Variants in ANKRD28 observed in about 807,000 individuals in gnomAD.
The protein encoded by ANKRD28 is serine/threonine-protein phosphatase 6 regulatory ankyrin repeat subunit A.
Under a neutral mutation model 126.5 loss-of-function variants are expected in ANKRD28, and 44 were observed. The ratio of observed to expected loss-of-function variants is 0.35; its 90% confidence interval spans 0.27 to 0.45. The LOEUF (loss-of-function observed/expected upper bound fraction) is 0.45. Ranked by LOEUF, ANKRD28 falls within the 20% of genes least tolerant of loss-of-function variation. The pLI, the probability that ANKRD28 is intolerant of heterozygous loss-of-function variation, is 1.00. For synonymous variants in ANKRD28, 442 were observed against 468.5 expected (o/e 0.94, Z 0.73); for missense variants, 1,110 against 1,316.6 (o/e 0.84, Z 2.43).
intron 2 of ANKRD28, among the ~76,000 whole-genome samples, chr3:15,770,413 CAT>C (rs56802776): frequency 0.078 from 11,524 of 146,932 alleles, 1,342 homozygotes; most frequent in African/African-American, 0.25. Context: ...CATATATATA[CAT>C]ATATATATAT....
chr3:15,774,979 C>T (rs771861449), intron 2 of ANKRD28, among the ~76,000 whole-genome samples: 20 of 116,212 alleles, frequency 1.7e-4, no homozygotes, highest in Admixed American at 1.2e-3. Context: ...AGGATTCAAG[C>T]GATTCTCCTG....
rs558648504 is a variant in ANKRD28 at position 15,818,180 on chromosome 3, G to A, written c.28-22874C>T. Among the ~76,000 whole-genome samples, 7 of 152,120 alleles carry A rather than the reference G, an allele frequency of 4.6e-5. No individual in the cohort carries two copies. The East Asian group carries it at 1.4e-3, about 29-fold the overall frequency. On this transcript the variant is annotated intron_variant, in intron 1 of 27. Coordinates refer to the ANKRD28 transcript ENST00000399451. ...ATATGCCACCCCTCCCTCACTCCAC[G>A]GAAGCCCAAACATCTCAGGTAGTGC...
intron 25 of ANKRD28, 76 bp from the exon 26 acceptor site, chr3:15,677,132 C>T: frequency 8.5e-7 from 1 of 1,172,822 alleles, no homozygotes. Flanking sequence ...AATCTGCAAT[C>T]CTAGTCCATA....
In ANKRD28 at chr3:15,836,374, T is replaced by A. The variant is rs566408443; in HGVS notation, c.27+23003A>T. 3.3e-5 allele frequency among the ~76,000 whole-genome samples: 5 copies of A among 151,946 alleles called. No individual in the cohort carries two copies. In the East Asian group the frequency reaches 7.7e-4, roughly 23 times the overall value. On this transcript the variant is annotated intron_variant, in intron 1 of 27. Coordinates refer to the ANKRD28 transcript ENST00000399451. ...GAACAAACGCTAAAAATATAATTTT[T>A]AAAAATCAAATAAAAAATAGAAAAT...
At position 15,820,991 on chromosome 3, in the gene ANKRD28, A is replaced by C. The variant is rs151260509; in HGVS notation, c.28-25685T>G. On this transcript the variant is annotated intron_variant, in intron 1 of 27. Transcript: ENST00000399451. ...TGGTAAATCCACATCAGGGTTTCTC[A>C]ATGTTGGCACTACCAACATTTTAGG... 5.3e-5 allele frequency among the ~76,000 whole-genome samples: 8 copies of C among 152,292 alleles called. No individual in the cohort carries two copies. In the East Asian group the frequency reaches 1.2e-3, roughly 22 times the overall value.
rs114288710 is a variant in ANKRD28, at chr3:15,751,565, C to T, written c.351+185G>A. Among the ~76,000 whole-genome samples, 711 of 152,174 alleles carry T rather than the reference C, an allele frequency of 4.7e-3. 3 individuals are homozygous for T. The highest frequency in any genetic ancestry group is 0.016 in the African/African-American group (670 of 41,538). On this transcript the variant is annotated intron_variant, in intron 4 of 27. Coordinates refer to ENST00000683139, the MANE Select transcript of ANKRD28 (RefSeq NM_001349278.2). ...CTCTGCTACTTCAGACTGCAAGAGG[C>T]CTTATAAACAAAAGAAGAAATGAAA... is the stretch of plus-strand genomic sequence containing the variant.
At chr3:15,754,446 A>C (rs140196986) in intron 3 of ANKRD28, among the ~76,000 whole-genome samples, 12 of 152,308 alleles carry the variant, frequency 7.9e-5, no homozygotes, top group South Asian at 4.2e-4. Flanking sequence ...ATGCCAAAAG[A>C]AGCAGTAAAA....
chr3:15,798,105 A>C (rs1211761161), upstream of ANKRD28: 1 of 985,288 alleles, frequency 1.0e-6, no homozygotes, highest in African/African-American at 1.7e-5. Flanking sequence ...AAATTCTATA[A>C]CTGAAAAATG....
intron 1 of ANKRD28, among the ~76,000 whole-genome samples, chr3:15,825,928 A>G (rs189727869): frequency 3.0e-4 from 45 of 152,326 alleles, no homozygotes; most frequent in African/African-American, 1.1e-3. Flanking sequence ...AATGAAAGTC[A>G]AACTAAAATA....
intron 2 of ANKRD28, among the ~76,000 whole-genome samples, chr3:15,785,802 C>T (rs2059752383): frequency 1.3e-5 from 2 of 151,824 alleles, no homozygotes; most frequent in Admixed American, 1.3e-4. Flanking sequence ...TGGAAGCAAC[C>T]AAGATGCCCT....
At chr3:15,682,372 T>TGG (rs1036030149) in intron 21 of ANKRD28, among the ~76,000 whole-genome samples, 16 of 152,112 alleles carry the variant, frequency 1.1e-4, no homozygotes, top group African/African-American at 3.4e-4. Context: ...AAGGGAACAG[T>TGG]GGGGCCCCTT....
At chr3:15,859,009 C>A (rs1451393276) in intron 1 of ANKRD28, among the ~76,000 whole-genome samples, 2 of 152,234 alleles carry the variant, frequency 1.3e-5, no homozygotes, top group East Asian at 3.9e-4. Context: ...TGGGTCACGG[C>A]CGCCAGTACC....
chr3:15,748,138 T>C (rs1342499704), intron 4 of ANKRD28, among the ~76,000 whole-genome samples: 1 of 152,228 alleles, frequency 6.6e-6, no homozygotes, highest in Admixed American at 6.5e-5. Context: ...TGAATTCTTA[T>C]CCATTCTTCC....
intron 4 of ANKRD28, among the ~76,000 whole-genome samples, chr3:15,745,905 T>C (rs964835253): frequency 2.6e-5 from 4 of 152,184 alleles, no homozygotes; most frequent in African/African-American, 9.7e-5. Context: ...GTAGTTTTCC[T>C]TGTAGGGGTC....
intron 1 of ANKRD28, among the ~76,000 whole-genome samples, chr3:15,822,381 A>G (rs1045908330): frequency 6.6e-6 from 1 of 152,248 alleles, no homozygotes; most frequent in Non-Finnish European, 1.5e-5. Context: ...CAGAGAATTC[A>G]GTGGACAAAC....
chr3:15,709,067 C>T (rs2071864999), intron 13 of ANKRD28, among the ~76,000 whole-genome samples: 1 of 152,160 alleles, frequency 6.6e-6, no homozygotes, highest in African/African-American at 2.4e-5. Flanking sequence ...GTTTTAAATA[C>T]TGCTACCACA....
chr3:15,721,346 T>C (rs1188503859), intron 7 of ANKRD28, among the ~76,000 whole-genome samples: 1 of 152,204 alleles, frequency 6.6e-6, no homozygotes, highest in Non-Finnish European at 1.5e-5. Flanking sequence ...TCAGGGAATA[T>C]AATTCACATA....
intron 3 of ANKRD28, chr3:15,756,393 A>C (rs2058156767): frequency 2.8e-5 from 18 of 638,620 alleles, no homozygotes; most frequent in Non-Finnish European, 3.5e-5. Context: ...AGTTTTGTAA[A>C]AGAAAAGGTT....
chr3:15,770,656 CT>C (rs1232658935), intron 2 of ANKRD28, among the ~76,000 whole-genome samples: 1 of 152,102 alleles, frequency 6.6e-6, no homozygotes, highest in African/African-American at 2.4e-5. Flanking sequence ...TCACAGAACA[CT>C]TTTTTTCATG....
Sources: allele counts gnomAD v4.1 joint callset (sites outside exome capture counted in the v4.1 genomes callset), GRCh38; gene constraint gnomAD v4.1.1; transcripts MANE v1.5; gene names NCBI Gene and HGNC (gene_info 2026-07-23, HGNC 2026-07-21).